Variants in ERG observed in about 807,000 individuals in gnomAD.
ERG encodes ETS transcription factor ERG.
Under a neutral mutation model 55.3 loss-of-function variants are expected in ERG, and 9 were observed. That is an observed-to-expected ratio of 0.16 (90% CI 0.10 to 0.28). The LOEUF is 0.28. Ranked by LOEUF, ERG falls within the 10% of genes least tolerant of loss-of-function variation. ERG has a pLI of 1.00. For missense variants in ERG, 434 were observed against 631.6 expected (o/e 0.69, Z 3.35); for synonymous variants, 223 against 237.3 (o/e 0.94, Z 0.55).
At chr21:38,614,260 T>G (rs1399254973) in intron 1 of ERG, among the ~76,000 whole-genome samples, 1 of 152,182 alleles carries the variant, frequency 6.6e-6, no homozygotes, top group East Asian at 1.9e-4. Flanking sequence ...GAACGTTGGA[T>G]AGCATTAATG....
At chr21:38,410,210 CCTT>C (rs1056697558) in intron 3 of ERG, among the ~76,000 whole-genome samples, 13 of 152,226 alleles carry the variant, frequency 8.5e-5, no homozygotes, top group African/African-American at 3.1e-4. Context: ...GCAGCCTCCT[CCTT>C]AAGACACAAA....
At chr21:38,379,088 C>A (rs1417585876), downstream of ERG, among the ~76,000 whole-genome samples, 7 of 152,202 alleles carry the variant, frequency 4.6e-5, no homozygotes, top group African/African-American at 1.7e-4. Flanking sequence ...ATCAAACTCC[C>A]AGATGTTTTG....
intron 2 of ERG, among the ~76,000 whole-genome samples, chr21:38,569,197 G>A (rs1225090946): frequency 6.6e-6 from 1 of 152,224 alleles, no homozygotes; most frequent in East Asian, 1.9e-4. Flanking sequence ...GGGGTACATG[G>A]AAGGTTTGCT....
chr21:38,512,850 G>A (rs540107566), intron 2 of ERG, among the ~76,000 whole-genome samples: 333 of 152,032 alleles, frequency 2.2e-3, no homozygotes, highest in South Asian at 8.9e-3. Flanking sequence ...TAAAACCTAC[G>A]GGCCAGGCGC....
intron 1 of ERG, among the ~76,000 whole-genome samples, chr21:38,630,213 T>G (rs1042445845): frequency 6.6e-6 from 1 of 152,174 alleles, no homozygotes; most frequent in Admixed American, 6.5e-5. Context: ...GCAAATGTGC[T>G]CGATACCCCT....
chr21:38,428,798 T>G (rs1415642072), intron 2 of ERG, among the ~76,000 whole-genome samples: 1 of 152,184 alleles, frequency 6.6e-6, no homozygotes, highest in Non-Finnish European at 1.5e-5. Context: ...TGTCTTTTTG[T>G]TTGGGGTGGA....
At chr21:38,630,127 C>CAACA in intron 1 of ERG, among the ~76,000 whole-genome samples, 1 of 151,826 alleles carries the variant, frequency 6.6e-6, no homozygotes, top group East Asian at 1.9e-4. Context: ...AATTAGTGTT[C>CAACA]AACAGGTAAA....
At chr21:38,424,494 C>A (rs556929137) in intron 2 of ERG, among the ~76,000 whole-genome samples, 9 of 152,144 alleles carry the variant, frequency 5.9e-5, no homozygotes, top group Non-Finnish European at 1.3e-4. Flanking sequence ...TTAAGCAGCT[C>A]CTCCTGAAAC....
intron 1 of ERG, among the ~76,000 whole-genome samples, chr21:38,625,399 G>A (rs1188577572): frequency 2.0e-5 from 3 of 151,922 alleles, no homozygotes; most frequent in African/African-American, 4.8e-5. Flanking sequence ...TGCAGAACAC[G>A]CAGGTTTGTT....
intron 2 of ERG, among the ~76,000 whole-genome samples, chr21:38,528,221 C>G (rs2059644259): frequency 6.6e-6 from 1 of 152,144 alleles, no homozygotes; most frequent in South Asian, 2.1e-4. Flanking sequence ...TAGGGGCCCA[C>G]CCTACTACAT....
intron 1 of ERG, among the ~76,000 whole-genome samples, chr21:38,655,198 C>T (rs1354411790): frequency 6.6e-6 from 1 of 152,014 alleles, no homozygotes; most frequent in Non-Finnish European, 1.5e-5. Flanking sequence ...CTAAAGTTTC[C>T]CCTTCCTAAG....
chr21:38,642,657 T>C (rs2060432487), intron 1 of ERG, among the ~76,000 whole-genome samples: 1 of 152,180 alleles, frequency 6.6e-6, no homozygotes, highest in South Asian at 2.1e-4. Flanking sequence ...CCCACTGATC[T>C]TCCAAGTTCA....
chr21:38,523,913 CAG>C (rs1473998583), intron 2 of ERG, among the ~76,000 whole-genome samples: 1 of 152,168 alleles, frequency 6.6e-6, no homozygotes, highest in African/African-American at 2.4e-5. Context: ...TAAACAGAAA[CAG>C]AGAGTTCCGG....
chr21:38,451,884 C>T (rs1247553316), intron 1 of ERG, among the ~76,000 whole-genome samples: 2 of 152,280 alleles, frequency 1.3e-5, no homozygotes, highest in African/African-American at 2.4e-5. Flanking sequence ...AAAAGCGAAA[C>T]GTGGTAAGTG....
At chr21:38,601,293 T>C (rs904284633) in intron 1 of ERG, among the ~76,000 whole-genome samples, 2 of 152,122 alleles carry the variant, frequency 1.3e-5, no homozygotes, top group African/African-American at 2.4e-5. Flanking sequence ...AGTTGTACAC[T>C]GTGGGCCCAA....
intron 2 of ERG, among the ~76,000 whole-genome samples, chr21:38,539,421 A>G (rs1384784672): frequency 6.6e-6 from 1 of 152,242 alleles, no homozygotes; most frequent in Non-Finnish European, 1.5e-5. Flanking sequence ...CTTCAGATAT[A>G]TCCTGGGAGA....
chr21:38,464,967 A>T (rs1028666818), intron 1 of ERG, among the ~76,000 whole-genome samples: 2 of 152,106 alleles, frequency 1.3e-5, no homozygotes, highest in Non-Finnish European at 2.9e-5. Context: ...TCTATTGTTG[A>T]TGAGCATTTG....
intron 1 of ERG, among the ~76,000 whole-genome samples, chr21:38,481,857 C>G (rs1329870525): frequency 6.6e-6 from 1 of 152,178 alleles, no homozygotes. Context: ...AATGAATAGT[C>G]CCTATCATAG....
chr21:38,431,991 A>G (rs1003638209), intron 2 of ERG, among the ~76,000 whole-genome samples: 1 of 152,230 alleles, frequency 6.6e-6, no homozygotes, highest in African/African-American at 2.4e-5. Flanking sequence ...AAGTCAATGC[A>G]AAAACATGAA....
Sources: gnomAD v4.1 joint callset for allele counts (sites outside exome capture counted in the v4.1 genomes callset) on GRCh38, gnomAD v4.1.1 for gene constraint, MANE v1.5 for transcripts, NCBI Gene and HGNC (gene_info 2026-07-23, HGNC 2026-07-21) for gene names.